The following TDP2 variants were observed in gnomAD, a reference collection of about 807,000 sequenced individuals.
TDP2 encodes the protein tyrosyl-DNA phosphodiesterase 2.
A neutral mutation model predicts 42.8 loss-of-function variants in TDP2; 38 were observed. That is an observed-to-expected ratio of 0.89 (90% confidence interval 0.68 to 1.16). TDP2 has a LOEUF of 1.16. Among genes scored for constraint, TDP2 ranks in the 50% most tolerant of loss-of-function variants. TDP2 has a pLI of 0.00. For synonymous variants in TDP2, 173 were observed against 150.6 expected, an observed-to-expected ratio of 1.15 and a Z score of -1.09; for missense variants, 439 against 439.3, an observed-to-expected ratio of 1.00 and a Z score of 0.01.
In TDP2 at chr6:24,650,518, A is replaced by C; in HGVS notation, c.*270T>G. On this transcript the variant is annotated 3_prime_UTR_variant, in exon 7 of 7. Coordinates refer to ENST00000378198, the MANE Select transcript of TDP2 (RefSeq NM_016614.3). ...AGAGACAATGTGGTACCTGTTTGGA[A>C]TCCAGCTGGCAGCTATAAGCACCGT... is the stretch of plus-strand genomic sequence containing the variant. The C allele has an allele frequency of 2.4e-6, 1 of 412,726 alleles. No homozygotes were observed. Among genetic ancestry groups the C allele is most frequent in the East Asian group, 4.5e-5 (1 of 22,108 alleles). The allele number at this position is 412,726 out of a possible 1,614,324, so 25.6% of individuals were successfully genotyped here.
intron 2 of TDP2, 110 bp downstream of exon 2, chr6:24,666,416 T>G: frequency 2.8e-6 from 4 of 1,439,100 alleles, no homozygotes; most frequent in Non-Finnish European, 3.9e-6. Context: ...AGCTTGGAGA[T>G]CTGCCTCAGC....
At chr6:24,664,223 G>A (rs149587517) in intron 2 of TDP2, among the ~76,000 whole-genome samples, 162 of 151,688 alleles carry the variant, frequency 1.1e-3, no homozygotes, top group Non-Finnish European at 1.9e-3. Flanking sequence ...ACAAATTCCC[G>A]AGTAGCAGTG....
chr6:24,658,886 G>T, intron 2 of TDP2, 152 bp from the exon 3 acceptor site: 1 of 710,576 alleles, frequency 1.4e-6, no homozygotes, highest in Non-Finnish European at 2.3e-6. Context: ...TTGCATGCCA[G>T]GTTCTAGACA....
At chr6:24,660,920 A>C (rs755019069) in intron 2 of TDP2, among the ~76,000 whole-genome samples, 12 of 152,168 alleles carry the variant, frequency 7.9e-5, no homozygotes, top group Non-Finnish European at 1.6e-4. Flanking sequence ...CAGGAATGTC[A>C]CAGAAGTGAT....
At position 24,666,654 on chromosome 6, in the gene TDP2, C is replaced by T. The variant is rs1188604268; in HGVS notation, c.166-43G>A. 9 of 1,613,982 alleles carry T rather than the reference C, an allele frequency of 5.6e-6. No homozygotes were observed. In the East Asian group the frequency reaches 1.6e-4, roughly 28 times the overall value. ...AAGGGATGAGGTTTGTGCGCTCCAC[C>T]GACCTAGGTAATGGAGCCGGAAGCG... is the stretch of plus-strand genomic sequence containing the variant. On this transcript the variant is annotated intron_variant, in intron 1 of 6. Transcript: ENST00000378198.
intron 2 of TDP2, 69 bp downstream of exon 2, chr6:24,666,457 G>T: frequency 6.5e-7 from 1 of 1,543,188 alleles, no homozygotes; most frequent in Non-Finnish European, 8.9e-7. Context: ...GCAGGTCCCA[G>T]GACGCGCAGG....
chr6:24,662,631 C>CA (rs1489976493), intron 2 of TDP2, among the ~76,000 whole-genome samples: 8 of 151,978 alleles, frequency 5.3e-5, no homozygotes, highest in Non-Finnish European at 8.8e-5. Context: ...TGAGGGAACT[C>CA]AGAGACCAGT....
At chr6:24,659,001 A>G (rs1778100665) in intron 2 of TDP2, 2 of 305,986 alleles carry the variant, frequency 6.5e-6, no homozygotes, top group Non-Finnish European at 1.2e-5. Context: ...CATTGCTCCT[A>G]TGGGTAGGAT....
rs369498680 is a variant in TDP2, at chr6:24,653,156, G to A, written c.637-3C>T. The A allele has an allele frequency of 4.3e-6, 7 of 1,613,844 alleles. No homozygotes were observed. Among genetic ancestry groups the A allele is most frequent in the African/African-American group, 1.3e-5 (1 of 75,036 alleles). On this transcript the variant is annotated splice_polypyrimidine_tract_variant and splice_region_variant and intron_variant, in intron 5 of 6. Transcript: ENST00000378198. ...AGCTCATTTCCTGACACGTTCACCT[G>A]CAGCAGGACAAACAGTCATTAAAAC...
At chr6:24,654,634 A>G (rs1778031211) in intron 4 of TDP2, 104 bp from the exon 5 acceptor site, 21 of 665,868 alleles carry the variant, frequency 3.2e-5, no homozygotes, top group South Asian at 2.7e-4. Context: ...CAGGTAACAG[A>G]TATTTACATG....
intron 2 of TDP2, among the ~76,000 whole-genome samples, chr6:24,660,458 CACTT>C (rs1778122911): frequency 6.6e-6 from 1 of 152,150 alleles, no homozygotes; most frequent in Non-Finnish European, 1.5e-5. Context: ...AACACAATGG[CACTT>C]ACTTGTGTTC....
At chr6:24,663,851 G>A (rs1023743800) in intron 2 of TDP2, among the ~76,000 whole-genome samples, 4 of 152,060 alleles carry the variant, frequency 2.6e-5, no homozygotes, top group Non-Finnish European at 4.4e-5. Flanking sequence ...AGCAACACAA[G>A]AACCTAATAC....
At position 24,663,983 on chromosome 6, in the gene TDP2, G is replaced by A. The variant is rs1341267453; in HGVS notation, c.251+2543C>T. Among the ~76,000 whole-genome samples the A allele has an allele frequency of 2.6e-5, 4 of 152,248 alleles. No homozygotes were observed. In the East Asian group the frequency reaches 7.7e-4, roughly 29 times the overall value. ...TGAAAAGGGAAATAAACTCTAAAAC[G>A]TTGCTGTACAGAAATACTAAGGGAA... On this transcript the variant is annotated intron_variant, in intron 2 of 6. Coordinates refer to ENST00000378198, the MANE Select transcript of TDP2 (RefSeq NM_016614.3).
intron 2 of TDP2, 180 bp from the exon 3 acceptor site, chr6:24,658,914 T>A: frequency 1.6e-6 from 1 of 625,246 alleles, no homozygotes; most frequent in Non-Finnish European, 2.7e-6. Flanking sequence ...AATTGAGCAT[T>A]AATCACGCTG....
At position 24,666,633 on chromosome 6, in the gene TDP2, G is replaced by A. The variant is rs780767326; in HGVS notation, c.166-22C>T. The A allele has an allele frequency of 1.2e-5, 20 of 1,613,974 alleles. No individual in the cohort carries two copies. In the South Asian group the frequency reaches 2.0e-4, roughly 16 times the overall value. On this transcript the variant is annotated intron_variant, in intron 1 of 6. Coordinates refer to ENST00000378198, the MANE Select transcript of TDP2 (RefSeq NM_016614.3). ...CCCTCTGAAAAACAAAGGCACAAGG[G>A]ATGAGGTTTGTGCGCTCCACCGACC...
Position 24,650,831 on chromosome 6 carries a change from C to T in TDP2, c.1046G>A (p.Ser349Asn). ...LEKLDCGRFP[S>N]DHWGLLCNLD... is the part of the protein sequence containing the mutation. ...GTTGCACAGAAGACCCCAGTGATCACTAGGAAATCTACCACAGTCCAGTTT... is the reference window on the plus strand; with the variant it reads ...GTTGCACAGAAGACCCCAGTGATCATTAGGAAATCTACCACAGTCCAGTTT... The change falls in exon 7 of 7, where the codon AGT (serine) becomes AAT (asparagine). Residue 349 changes from serine (S) to asparagine (N), a missense_variant. Ser to Asn is a conservative substitution (Grantham distance 46). Coordinates refer to ENST00000378198, the MANE Select transcript of TDP2 (RefSeq NM_016614.3). 6.2e-7 allele frequency: 1 copy of T among 1,614,130 alleles called. No individual in the cohort carries two copies. The highest frequency in any genetic ancestry group is 1.3e-5 in the African/African-American group (1 of 75,050).
At chr6:24,665,940 G>A (rs1778225181) in intron 2 of TDP2, 2 of 730,950 alleles carry the variant, frequency 2.7e-6, no homozygotes, top group East Asian at 6.7e-5. Context: ...AAAATGACCC[G>A]TTGGAAAAAA....
chr6:24,666,606 A>G lies in TDP2; in HGVS notation c.171T>C (p.Ala57=). The G allele has an allele frequency of 1.2e-6, 2 of 1,614,230 alleles. No homozygotes were observed. The highest frequency in any genetic ancestry group is 1.7e-6 in the Non-Finnish European group (2 of 1,180,032). The change falls in exon 2 of 7, where the codon GCT becomes GCC. Residue 57 remains alanine, a synonymous_variant. Coordinates refer to ENST00000378198, the MANE Select transcript of TDP2 (RefSeq NM_016614.3). The part of the protein sequence containing the change: ...LAENDWEMER[A]LNSYFEPPVE... ...CCGGAGGCTCGAAGTAGGAGTTCAG[A>G]GCCCTCTGAAAAACAAAGGCACAAG...
Position 24,655,506 on chromosome 6 carries a change from T to C in TDP2, c.518-976A>G, listed in dbSNP as rs115054353. ...AGAAGAGGAGGGCCAGTTCAAGGTC[T>C]GGATATGGGGTTAAACAACCCCCAG... On this transcript the variant is annotated intron_variant, in intron 4 of 6. Coordinates refer to ENST00000378198, the MANE Select transcript of TDP2 (RefSeq NM_016614.3). Among the ~76,000 whole-genome samples, 291 of 152,330 alleles carry C rather than the reference T, an allele frequency of 1.9e-3. 2 individuals are homozygous for C. The highest frequency in any genetic ancestry group is 6.8e-3 in the Middle Eastern group (2 of 294).
Sources: allele counts gnomAD v4.1 joint callset (sites outside exome capture counted in the v4.1 genomes callset), GRCh38; gene constraint gnomAD v4.1.1; transcripts MANE v1.5; gene names NCBI Gene and HGNC (gene_info 2026-07-23, HGNC 2026-07-21).